The following SEPTIN14 variants were observed in gnomAD, a reference collection of about 807,000 sequenced individuals.
The protein encoded by SEPTIN14 is septin-14.
In SEPTIN14, 40 loss-of-function variants were observed where a neutral mutation model predicts 53.6. That is an observed-to-expected ratio of 0.75 (90% CI 0.58 to 0.97). The LOEUF (loss-of-function observed/expected upper bound fraction) is 0.97, where lower values mean the gene tolerates loss of function less well. Ranked by LOEUF, SEPTIN14 falls within the 50% of genes least tolerant of loss-of-function variation. SEPTIN14 has a pLI of 0.00. For missense variants in SEPTIN14, 471 were observed against 508.2 expected (o/e 0.93, Z 0.70); for synonymous variants, 138 against 166.8 (o/e 0.83, Z 1.33).
At chr7:55,828,355 A>G (rs997579887) in intron 6 of SEPTIN14, among the ~76,000 whole-genome samples, 1 of 143,978 alleles carries the variant, frequency 6.9e-6, no homozygotes, top group Non-Finnish European at 1.5e-5. Flanking sequence ...CCCAGGCTGC[A>G]GTGCAGTGGC....
chr7:55,806,819 A>C (rs1308948562), intron 8 of SEPTIN14, among the ~76,000 whole-genome samples: 1 of 152,194 alleles, frequency 6.6e-6, no homozygotes, highest in African/African-American at 2.4e-5. Context: ...AAATGGAACA[A>C]AATACTGGGT....
At chr7:55,808,009 C>CCT (rs1262908813) in intron 7 of SEPTIN14, among the ~76,000 whole-genome samples, 1 of 151,854 alleles carries the variant, frequency 6.6e-6, no homozygotes. Context: ...ATATATAAGG[C>CCT]AAATATTAGC....
At chr7:55,847,485 C>T (rs759717649) in intron 2 of SEPTIN14, among the ~76,000 whole-genome samples, 1 of 152,114 alleles carries the variant, frequency 6.6e-6, no homozygotes, top group Non-Finnish European at 1.5e-5. Flanking sequence ...CAAAACTGAA[C>T]ATTATAGCTC....
chr7:55,820,242 C>A (rs1788869010), intron 6 of SEPTIN14, among the ~76,000 whole-genome samples: 1 of 152,210 alleles, frequency 6.6e-6, no homozygotes, highest in Non-Finnish European at 1.5e-5. Context: ...CTCAGGTGTT[C>A]TGTCCACCTC....
At chr7:55,817,844 T>TA (rs1562709561) in intron 7 of SEPTIN14, among the ~76,000 whole-genome samples, 7 of 152,306 alleles carry the variant, frequency 4.6e-5, no homozygotes, top group Middle Eastern at 3.4e-3. Context: ...ATAACACATA[T>TA]GTTAATTATA....
At chr7:55,819,298 T>A in intron 6 of SEPTIN14, 75 bp from the exon 7 acceptor site, 1 of 1,131,368 alleles carries the variant, frequency 8.8e-7, no homozygotes, top group South Asian at 1.3e-5. Context: ...ATTCCTGTTA[T>A]AAAAATGACA....
chr7:55,823,535 G>A (rs1049202166), intron 6 of SEPTIN14, among the ~76,000 whole-genome samples: 28 of 152,190 alleles, frequency 1.8e-4, no homozygotes, highest in Non-Finnish European at 1.6e-4. Flanking sequence ...GCTGGGGCAT[G>A]CTGGCCCAGC....
At chr7:55,855,788 G>A (rs1052429479) in intron 2 of SEPTIN14, among the ~76,000 whole-genome samples, 1 of 151,382 alleles carries the variant, frequency 6.6e-6, no homozygotes, top group Non-Finnish European at 1.5e-5. Flanking sequence ...GCCTCACCTC[G>A]TGATCCACCC....
chr7:55,838,132 C>G (rs184924478), intron 5 of SEPTIN14, among the ~76,000 whole-genome samples: 17 of 152,248 alleles, frequency 1.1e-4, no homozygotes, highest in African/African-American at 3.9e-4. Flanking sequence ...ATCAAATGAA[C>G]AGAGTCTCAT....
intron 9 of SEPTIN14, 95 bp downstream of exon 9, chr7:55,805,163 T>G: frequency 8.6e-7 from 1 of 1,159,372 alleles, no homozygotes; most frequent in Non-Finnish European, 1.2e-6. Flanking sequence ...GCAAGTATCC[T>G]CCAAAAACAT....
In SEPTIN14 at chr7:55,857,399, A is replaced by AAGAGAAGAGAAGAGAAAGAAGAG. The variant is rs1348902790; in HGVS notation, c.54+4521_54+4543dup. 3.5e-4 allele frequency among the ~76,000 whole-genome samples: 51 copies of AAGAGAAGAGAAGAGAAAGAAGAG among 145,872 alleles called. 3 individuals are homozygous for AAGAGAAGAGAAGAGAAAGAAGAG. In the East Asian group the frequency reaches 5.6e-3, roughly 16 times the overall value. ...AAAAGAAAAGAAAAGGAAAAAAGAG[A>AAGAGAAGAGAAGAGAAAGAAGAG]AGAGAAGAGAAGAGAAAGAAGAGAG... On this transcript the variant is annotated intron_variant, in intron 2 of 9. Coordinates refer to ENST00000388975, the MANE Select transcript of SEPTIN14 (RefSeq NM_207366.3).
chr7:55,814,739 T>C lies in SEPTIN14; in HGVS notation c.817+4388A>G, dbSNP rs182278606. Among the ~76,000 whole-genome samples the C allele has an allele frequency of 3.0e-3, 463 of 152,330 alleles. 1 individual carries two copies. The highest frequency in any genetic ancestry group is 4.9e-3 in the Non-Finnish European group (335 of 68,022). ...AATGTTCATACTGCTCAAAGCAATC[T>C]AAAGATTCAATGCGATCCCTATCAA... On this transcript the variant is annotated intron_variant, in intron 7 of 9. Transcript: ENST00000388975.
chr7:55,843,513 A>C (rs1789350958), intron 4 of SEPTIN14, among the ~76,000 whole-genome samples: 1 of 152,222 alleles, frequency 6.6e-6, no homozygotes. Flanking sequence ...ATATCATCTT[A>C]TCTCAGTCAG....
At chr7:55,857,056 CGA>C (rs1474158352) in intron 2 of SEPTIN14, among the ~76,000 whole-genome samples, 1 of 150,910 alleles carries the variant, frequency 6.6e-6, no homozygotes, top group South Asian at 2.1e-4. Context: ...GGTGACAGAG[CGA>C]GACTCTATCT....
At chr7:55,847,700 A>G (rs1030411805) in intron 2 of SEPTIN14, among the ~76,000 whole-genome samples, 9 of 152,320 alleles carry the variant, frequency 5.9e-5, no homozygotes, top group South Asian at 2.1e-4. Context: ...TGAGGAAACC[A>G]AAATCAATTT....
intron 6 of SEPTIN14, among the ~76,000 whole-genome samples, chr7:55,828,797 G>A (rs1051920754): frequency 1.3e-5 from 2 of 152,022 alleles, no homozygotes; most frequent in African/African-American, 4.8e-5. Context: ...GGATAGTCTG[G>A]TGAAGTTCAT....
intron 9 of SEPTIN14, among the ~76,000 whole-genome samples, chr7:55,804,408 A>C (rs532602673): frequency 6.6e-6 from 1 of 151,728 alleles, no homozygotes; most frequent in African/African-American, 2.4e-5. Flanking sequence ...ATAGGCATGC[A>C]GCACCATGCC....
chr7:55,829,731 G>A (rs772136427), intron 6 of SEPTIN14, among the ~76,000 whole-genome samples: 2 of 132,788 alleles, frequency 1.5e-5, no homozygotes, highest in African/African-American at 2.8e-5. Flanking sequence ...CTCTTCCAGA[G>A]AATTGTTTGA....
At chr7:55,852,318 T>C (rs1436144543) in intron 2 of SEPTIN14, among the ~76,000 whole-genome samples, 3 of 152,036 alleles carry the variant, frequency 2.0e-5, no homozygotes, top group Non-Finnish European at 2.9e-5. Flanking sequence ...CAAAACAGCA[T>C]GGTACTGGCA....
Sources: gnomAD v4.1 joint callset for allele counts (sites outside exome capture counted in the v4.1 genomes callset) on GRCh38, gnomAD v4.1.1 for gene constraint, MANE v1.5 for transcripts, NCBI Gene and HGNC (gene_info 2026-07-23, HGNC 2026-07-21) for gene names.